ZNRF1: variants seen among roughly 807,000 people sequenced by gnomAD.
ZNRF1 encodes E3 ubiquitin-protein ligase ZNRF1.
A neutral mutation model predicts 18.4 loss-of-function variants in ZNRF1; 3 were observed. The observed-to-expected ratio is 0.16, with a 90% confidence interval of 0.07 to 0.42. The LOEUF (loss-of-function observed/expected upper bound fraction) is 0.42. Ranked by LOEUF, ZNRF1 falls within the 10% of genes least tolerant of loss-of-function variation. ZNRF1 has a pLI of 0.99. For synonymous variants in ZNRF1, 157 were observed against 144.2 expected (o/e 1.09, Z -0.64); for missense variants, 310 against 329.8 (o/e 0.94, Z 0.47).
chr16:75,008,015 G>A (rs984925359), intron 1 of ZNRF1, among the ~76,000 whole-genome samples: 1 of 152,040 alleles, frequency 6.6e-6, no homozygotes, highest in African/African-American at 2.4e-5. Flanking sequence ...CAGATGCTAT[G>A]CTACCATGAC....
chr16:75,068,814 C>T (rs1311323853), intron 1 of ZNRF1, among the ~76,000 whole-genome samples: 1 of 152,116 alleles, frequency 6.6e-6, no homozygotes, highest in African/African-American at 2.4e-5. Flanking sequence ...CCCTGGTAGC[C>T]AAGGCCCGAG....
chr16:75,093,346 C>A (rs1007992922), intron 1 of ZNRF1, among the ~76,000 whole-genome samples: 39 of 150,602 alleles, frequency 2.6e-4, no homozygotes, highest in Admixed American at 6.6e-4. Flanking sequence ...GATCGTGCCA[C>A]TGCACTCCAG....
intron 2 of ZNRF1, among the ~76,000 whole-genome samples, chr16:75,098,135 C>T (rs560584016): frequency 7.2e-5 from 11 of 152,268 alleles, no homozygotes; most frequent in Admixed American, 2.6e-4. Flanking sequence ...TACAGGAGGG[C>T]GAGGAGGGGC....
intron 1 of ZNRF1, among the ~76,000 whole-genome samples, chr16:75,027,982 G>A (rs866957993): frequency 2.0e-5 from 3 of 152,000 alleles, no homozygotes; most frequent in South Asian, 2.1e-4. Flanking sequence ...AATGGCACTC[G>A]CCACCGTATC....
chr16:75,045,987 C>G (rs1301496058), intron 1 of ZNRF1, among the ~76,000 whole-genome samples: 2 of 152,046 alleles, frequency 1.3e-5, no homozygotes, highest in Non-Finnish European at 2.9e-5. Context: ...ATTGCAATCT[C>G]CACCTCCTGG....
At chr16:75,019,962 TG>T (rs1364814577) in intron 1 of ZNRF1, among the ~76,000 whole-genome samples, 2 of 152,310 alleles carry the variant, frequency 1.3e-5, no homozygotes, top group African/African-American at 4.8e-5. Flanking sequence ...CCTCCCACCT[TG>T]GCCTCCCAAA....
chr16:75,045,659 T>C (rs1406286158), intron 1 of ZNRF1, among the ~76,000 whole-genome samples: 2 of 151,976 alleles, frequency 1.3e-5, no homozygotes, highest in Middle Eastern at 3.2e-3. Flanking sequence ...ACTTTGAGTG[T>C]GAACCTGCAT....
chr16:75,050,359 C>T (rs551544036), intron 1 of ZNRF1, among the ~76,000 whole-genome samples: 2 of 152,038 alleles, frequency 1.3e-5, no homozygotes, highest in Non-Finnish European at 2.9e-5. Flanking sequence ...AACCCTGTCT[C>T]TACCCAAAAT....
chr16:75,005,795 C>T (rs1293144110), intron 1 of ZNRF1, among the ~76,000 whole-genome samples: 1 of 152,182 alleles, frequency 6.6e-6, no homozygotes, highest in Non-Finnish European at 1.5e-5. Context: ...TGTTCTCTCT[C>T]TCTCTCTCCC....
intron 1 of ZNRF1, among the ~76,000 whole-genome samples, chr16:75,048,450 C>T (rs1265499450): frequency 6.6e-6 from 1 of 152,194 alleles, no homozygotes. Flanking sequence ...TGGCTTGGCT[C>T]TCTAATTCAC....
At chr16:75,009,724 C>T (rs1003290778) in intron 1 of ZNRF1, among the ~76,000 whole-genome samples, 1 of 152,000 alleles carries the variant, frequency 6.6e-6, no homozygotes, top group African/African-American at 2.4e-5. Context: ...CTGTTTTCCA[C>T]AGTAGCTGCA....
rs2034801303 is a variant in ZNRF1, at chr16:74,999,275, C to T, written c.-397C>T. The T allele has an allele frequency of 6.8e-6, 1 of 147,662 alleles. No individual in the cohort carries two copies. 9.1% of individuals were successfully genotyped at this position (147,662 alleles called of 1,614,324 possible). A position where few individuals can be genotyped will look rare whatever the true frequency, so the allele number is the denominator to read the frequency against. ...CCCGGCCCTCCTCCGCCTCCTCCCG[C>T]GGGGCGGGCGGCCTCCTCCGGCGCC... On this transcript the variant is annotated 5_prime_UTR_variant, in exon 1 of 5. Transcript: ENST00000335325.
intron 1 of ZNRF1, among the ~76,000 whole-genome samples, chr16:75,020,763 C>CG (rs1172174799): frequency 6.6e-6 from 1 of 152,094 alleles, no homozygotes; most frequent in East Asian, 1.9e-4. Context: ...AGGAAGGTCT[C>CG]GATCTCCTGA....
chr16:75,060,185 C>G (rs910803422), intron 1 of ZNRF1, among the ~76,000 whole-genome samples: 1 of 151,784 alleles, frequency 6.6e-6, no homozygotes, highest in Non-Finnish European at 1.5e-5. Flanking sequence ...TCCCGAGTAG[C>G]TGGAACTACA....
At chr16:75,080,918 A>C (rs1045805955) in intron 1 of ZNRF1, among the ~76,000 whole-genome samples, 4 of 151,882 alleles carry the variant, frequency 2.6e-5, no homozygotes, top group African/African-American at 9.7e-5. Context: ...TCACACCTGT[A>C]ATCCCAGTAC....
intron 1 of ZNRF1, among the ~76,000 whole-genome samples, chr16:75,000,832 T>A (rs1419509905): frequency 6.6e-6 from 1 of 152,202 alleles, no homozygotes; most frequent in Non-Finnish European, 1.5e-5. Context: ...CCCGTGAATC[T>A]GCATCTTTTT....
intron 1 of ZNRF1, among the ~76,000 whole-genome samples, chr16:75,061,851 T>TG (rs2035748642): frequency 6.6e-6 from 1 of 152,224 alleles, no homozygotes; most frequent in Admixed American, 6.5e-5. Flanking sequence ...AACCAGGTGC[T>TG]TTGCGTCAGC....
At chr16:75,047,888 G>A (rs1027728191) in intron 1 of ZNRF1, among the ~76,000 whole-genome samples, 1 of 151,946 alleles carries the variant, frequency 6.6e-6, no homozygotes, top group Admixed American at 6.6e-5. Context: ...GCTTGCAGAT[G>A]GTGGTCTTCT....
intron 1 of ZNRF1, among the ~76,000 whole-genome samples, chr16:75,081,163 ACT>A (rs2036007405): frequency 6.6e-6 from 1 of 152,118 alleles, no homozygotes; most frequent in South Asian, 2.1e-4. Context: ...ACAGAGCAAG[ACT>A]CTGTCTCAAA....
Sources: allele counts gnomAD v4.1 joint callset (sites outside exome capture counted in the v4.1 genomes callset), GRCh38; gene constraint gnomAD v4.1.1; transcripts MANE v1.5; gene names NCBI Gene and HGNC (gene_info 2026-07-23, HGNC 2026-07-21).